Variants in RBFOX1 observed in about 807,000 individuals in gnomAD.
RBFOX1 encodes RNA binding protein fox-1 homolog 1.
RBFOX1 carries 8 observed loss-of-function variants against 57.7 expected under a neutral mutation model. That is an observed-to-expected ratio of 0.14 (90% confidence interval 0.08 to 0.25). RBFOX1 has a LOEUF of 0.25. RBFOX1 is among the 10% of genes least tolerant of loss of function. The pLI is 1.00. For missense variants in RBFOX1, 611 were observed against 548.5 expected (o/e 1.11, Z -1.14); for synonymous variants, 326 against 222.4 (o/e 1.47, Z -4.15).
intron 2 of RBFOX1, among the ~76,000 whole-genome samples, chr16:6,538,859 C>A (rs140629036): frequency 6.6e-6 from 1 of 152,086 alleles, no homozygotes; most frequent in African/African-American, 2.4e-5. Context: ...TGGTGCCAAA[C>A]TTACTATTTT....
intron 4 of RBFOX1, among the ~76,000 whole-genome samples, chr16:7,102,166 C>G (rs576911833): frequency 4.6e-5 from 7 of 152,330 alleles, no homozygotes; most frequent in African/African-American, 1.7e-4. Flanking sequence ...CTTACTCACA[C>G]TCATCGGATT....
At chr16:7,593,160 G>C (rs1166897479) in intron 7 of RBFOX1, among the ~76,000 whole-genome samples, 1 of 152,112 alleles carries the variant, frequency 6.6e-6, no homozygotes, top group South Asian at 2.1e-4. Context: ...TGAAATGAGA[G>C]GTCATGGAAA....
At chr16:5,944,790 T>TAGAAAAAAAAAAAAAAAA (rs2059360598) in intron 4 of RBFOX1, among the ~76,000 whole-genome samples, 1 of 41,258 alleles carries the variant, frequency 2.4e-5, no homozygotes. Context: ...CTGTCTCTGC[T>TAGAAAAAAAAAAAAAAAA]AAAAAAAAAA....
chr16:6,782,319 C>G (rs984474608), intron 3 of RBFOX1, among the ~76,000 whole-genome samples: 2 of 152,122 alleles, frequency 1.3e-5, no homozygotes, highest in Non-Finnish European at 2.9e-5. Context: ...AAACTACCAT[C>G]TTAGTACTGC....
intron 1 of RBFOX1, among the ~76,000 whole-genome samples, chr16:6,245,313 T>C (rs2097563107): frequency 6.6e-6 from 1 of 152,200 alleles, no homozygotes; most frequent in South Asian, 2.1e-4. Context: ...TGGCCCTGAA[T>C]ACCTTGCCAA....
At chr16:6,460,196 A>T (rs2094883736) in intron 2 of RBFOX1, among the ~76,000 whole-genome samples, 2 of 151,878 alleles carry the variant, frequency 1.3e-5, no homozygotes, top group Non-Finnish European at 2.9e-5. Context: ...TGTCAGCAGG[A>T]TTGGTTCCAT....
intron 4 of RBFOX1, among the ~76,000 whole-genome samples, chr16:7,188,744 T>A (rs2084560658): frequency 6.6e-6 from 1 of 152,184 alleles, no homozygotes; most frequent in Non-Finnish European, 1.5e-5. Context: ...CAGATACAGA[T>A]TTGCCTTGTA....
intron 1 of RBFOX1, among the ~76,000 whole-genome samples, chr16:5,343,291 C>A (rs889796495): frequency 6.4e-5 from 7 of 109,204 alleles, no homozygotes; most frequent in South Asian, 3.3e-4. Flanking sequence ...ACTTTCACTT[C>A]TTTGAAGTTT....
intron 4 of RBFOX1, among the ~76,000 whole-genome samples, chr16:7,203,676 C>A (rs1402371444): frequency 6.6e-6 from 1 of 152,156 alleles, no homozygotes; most frequent in East Asian, 1.9e-4. Flanking sequence ...TATGTGTGAG[C>A]CCTAGTCCAC....
intron 4 of RBFOX1, among the ~76,000 whole-genome samples, chr16:7,227,741 CT>C (rs1004109853): frequency 6.6e-6 from 1 of 152,198 alleles, no homozygotes; most frequent in African/African-American, 2.4e-5. Context: ...CACGCAGCAC[CT>C]GGCCTAGGCA....
At chr16:6,681,648 C>T (rs929531099) in intron 3 of RBFOX1, among the ~76,000 whole-genome samples, 6 of 146,494 alleles carry the variant, frequency 4.1e-5, no homozygotes, top group Admixed American at 2.1e-4. Context: ...CAATTGCCCC[C>T]CTCCACAATG....
At chr16:6,829,321 T>A (rs1455323078) in intron 3 of RBFOX1, among the ~76,000 whole-genome samples, 2 of 150,950 alleles carry the variant, frequency 1.3e-5, no homozygotes, top group Non-Finnish European at 2.9e-5. Flanking sequence ...CATAAATACA[T>A]ATATAAGGAG....
chr16:6,297,542 A>C (rs2078268105), intron 1 of RBFOX1, among the ~76,000 whole-genome samples: 1 of 152,060 alleles, frequency 6.6e-6, no homozygotes, highest in Non-Finnish European at 1.5e-5. Context: ...AATAGTGGTG[A>C]TTTGTACAGT....
chr16:6,790,436 C>A (rs1005765815), intron 3 of RBFOX1, among the ~76,000 whole-genome samples: 1 of 152,058 alleles, frequency 6.6e-6, no homozygotes, highest in South Asian at 2.1e-4. Context: ...CTACCCACCT[C>A]GGCCTCCCAA....
At chr16:5,477,855 C>G (rs2069385789) in intron 2 of RBFOX1, among the ~76,000 whole-genome samples, 1 of 152,172 alleles carries the variant, frequency 6.6e-6, no homozygotes, top group South Asian at 2.1e-4. Flanking sequence ...TATTGTTCTT[C>G]CCTGGCCAGT....
At chr16:6,371,536 G>GT (rs953825725) in intron 2 of RBFOX1, among the ~76,000 whole-genome samples, 13 of 151,878 alleles carry the variant, frequency 8.6e-5, no homozygotes, top group Non-Finnish European at 1.8e-4. Context: ...AAACCCGTAA[G>GT]TTTTTTTTAA....
intron 2 of RBFOX1, among the ~76,000 whole-genome samples, chr16:5,486,110 C>G (rs1045041087): frequency 6.6e-6 from 1 of 152,142 alleles, no homozygotes; most frequent in African/African-American, 2.4e-5. Context: ...CTGCTTTATT[C>G]CAGTCATTCC....
chr16:7,087,887 T>G (rs2060228800), intron 4 of RBFOX1, among the ~76,000 whole-genome samples: 1 of 152,174 alleles, frequency 6.6e-6, no homozygotes, highest in Non-Finnish European at 1.5e-5. Flanking sequence ...CCTCTGTCTC[T>G]CTTTCTCTTT....
intron 3 of RBFOX1, among the ~76,000 whole-genome samples, chr16:5,805,902 G>A (rs1865816): frequency 0.026 from 3,940 of 152,258 alleles, 165 homozygotes; most frequent in African/African-American, 0.09. Flanking sequence ...AGAATAGAGT[G>A]GATAAGGACA....
Sources: allele counts gnomAD v4.1 joint callset (sites outside exome capture counted in the v4.1 genomes callset), GRCh38; gene constraint gnomAD v4.1.1; transcripts MANE v1.5; gene names NCBI Gene and HGNC (gene_info 2026-07-23, HGNC 2026-07-21).